Variants in PTBP3 observed in about 807,000 individuals in gnomAD.
PTBP3 encodes polypyrimidine tract-binding protein 3.
A neutral mutation model predicts 58.7 loss-of-function variants in PTBP3; 20 were observed. That is an observed-to-expected ratio of 0.34 (90% CI 0.24 to 0.50). The LOEUF is 0.50. Among genes scored for constraint, PTBP3 ranks in the 20% least tolerant of loss-of-function variants. The probability of loss-of-function intolerance (pLI) is 0.98; values close to 1 mark genes in which losing one functional copy is unlikely to be tolerated. For missense variants in PTBP3, 509 were observed against 637.2 expected (o/e 0.80, Z 2.17); for synonymous variants, 185 against 219.8 (o/e 0.84, Z 1.40).
At chr9:112,327,801 A>G (rs1281710993) in intron 1 of PTBP3, among the ~76,000 whole-genome samples, 1 of 150,410 alleles carries the variant, frequency 6.6e-6, no homozygotes, top group East Asian at 1.9e-4. Context: ...TAATAGAGGA[A>G]AAAAAAAAAA....
intron 2 of PTBP3, among the ~76,000 whole-genome samples, chr9:112,294,152 G>A (rs1490636598): frequency 6.6e-6 from 1 of 152,112 alleles, no homozygotes; most frequent in Non-Finnish European, 1.5e-5. Flanking sequence ...AACATTTATA[G>A]CCATTGATAA....
In PTBP3 at chr9:112,296,730, C is replaced by T. The variant is rs115350414; in HGVS notation, c.34+1102G>A. ...AAAGGAAACTCAAACTCAATATATA[C>T]AAATCTGAACCTGTGTCGTCCAACT... On this transcript the variant is annotated intron_variant, in intron 2 of 13. Coordinates refer to ENST00000374257, the MANE Select transcript of PTBP3 (RefSeq NM_001163788.4). Among the ~76,000 whole-genome samples, 1,314 of 152,248 alleles carry T rather than the reference C, an allele frequency of 8.6e-3. 23 individuals carry two copies. The highest frequency in any genetic ancestry group is 0.03 in the African/African-American group (1,253 of 41,534).
At chr9:112,234,681 TC>T in intron 8 of PTBP3, 138 bp downstream of exon 8, 2 of 713,006 alleles carry the variant, frequency 2.8e-6, no homozygotes, top group Non-Finnish European at 4.6e-6. Context: ...ATCATACAAA[TC>T]ACTACACTTC....
intron 2 of PTBP3, among the ~76,000 whole-genome samples, chr9:112,290,205 A>G (rs1320016424): frequency 6.6e-6 from 1 of 152,208 alleles, no homozygotes; most frequent in Non-Finnish European, 1.5e-5. Context: ...CAAGTTAAAG[A>G]GAAAAAGCAA....
chr9:112,271,726 G>T (rs185666791), intron 3 of PTBP3, among the ~76,000 whole-genome samples: 1 of 151,914 alleles, frequency 6.6e-6, no homozygotes, highest in South Asian at 2.1e-4. Context: ...AACAGAGCAA[G>T]ACTCCGCTTC....
chr9:112,288,561 C>G (rs895158080), intron 2 of PTBP3, among the ~76,000 whole-genome samples: 13 of 150,850 alleles, frequency 8.6e-5, no homozygotes, highest in African/African-American at 3.2e-4. Flanking sequence ...AATAGCATTA[C>G]CTCAATTGTT....
chr9:112,367,439 G>GT, the PTBP3 span, among the ~76,000 whole-genome samples: 15 of 152,022 alleles, frequency 9.9e-5, no homozygotes, highest in African/African-American at 3.6e-4. Flanking sequence ...TGTGTTTTGG[G>GT]TTTTTTTGTT....
At chr9:112,309,631 C>T (rs1829391113) in intron 1 of PTBP3, among the ~76,000 whole-genome samples, 1 of 151,606 alleles carries the variant, frequency 6.6e-6, no homozygotes, top group African/African-American at 2.4e-5. Flanking sequence ...ATTAAAAATA[C>T]AAAAAAATTA....
Position 112,231,400 on chromosome 9 carries a change from T to C in PTBP3, c.1034A>G (p.His345Arg), listed in dbSNP as rs1281756194. The change falls in exon 10 of 14, where the codon CAT becomes CGT. Residue 345 changes from histidine to arginine, a missense_variant. Physicochemically the swap from His to Arg is conservative, Grantham distance 29. Coordinates refer to ENST00000374257, the MANE Select transcript of PTBP3 (RefSeq NM_001163788.4). Reference sequence around the variant, plus strand: ...CTTACCAAATAGGATAAAAAGCCCATGTGGTGTGATAAGCTGTAAAGGGTA... The same window carrying C: ...CTTACCAAATAGGATAAAAAGCCCACGTGGTGTGATAAGCTGTAAAGGGTA... ...TNLNPDLITP[H>R]GLFILFGVYG... The C allele has an allele frequency of 3.1e-6, 5 of 1,596,560 alleles. No homozygotes were observed. The highest frequency in any genetic ancestry group is 2.7e-5 in the African/African-American group (2 of 73,992).
At chr9:112,268,939 T>C (rs1281992596) in intron 3 of PTBP3, among the ~76,000 whole-genome samples, 1 of 152,120 alleles carries the variant, frequency 6.6e-6, no homozygotes, top group African/African-American at 2.4e-5. Flanking sequence ...CTCAGGCCTG[T>C]AATCCCAACA....
chr9:112,267,821 C>A (rs545560728), intron 4 of PTBP3, among the ~76,000 whole-genome samples: 3 of 152,224 alleles, frequency 2.0e-5, no homozygotes, highest in African/African-American at 7.2e-5. Flanking sequence ...TATTTTTTCT[C>A]CTTTTTTACT....
chr9:112,301,387 T>G (rs1409967873), intron 1 of PTBP3, among the ~76,000 whole-genome samples: 1 of 151,704 alleles, frequency 6.6e-6, no homozygotes, highest in African/African-American at 2.4e-5. Context: ...AGATCTCTCA[T>G]ACATTGCTGG....
chr9:112,315,874 T>C (rs1343253087), intron 1 of PTBP3, among the ~76,000 whole-genome samples: 1 of 152,246 alleles, frequency 6.6e-6, no homozygotes, highest in Non-Finnish European at 1.5e-5. Context: ...TCTAAGTTAC[T>C]CATTATTTCC....
chr9:112,269,338 T>C, intron 3 of PTBP3, among the ~76,000 whole-genome samples: 1 of 151,880 alleles, frequency 6.6e-6, no homozygotes, highest in Non-Finnish European at 1.5e-5. Flanking sequence ...GGAAAAAACA[T>C]TGAGAAACAC....
intron 3 of PTBP3, among the ~76,000 whole-genome samples, chr9:112,271,793 A>G (rs1031540156): frequency 1.3e-5 from 2 of 152,202 alleles, no homozygotes; most frequent in African/African-American, 4.8e-5. Flanking sequence ...CAAATACAGA[A>G]TATTTTTTAA....
At chr9:112,342,114 G>A in the PTBP3 span, among the ~76,000 whole-genome samples, 1 of 152,166 alleles carries the variant, frequency 6.6e-6, no homozygotes, top group Admixed American at 6.5e-5. Flanking sequence ...TCTCTCTTCT[G>A]GAGCTGGGAC....
At chr9:112,256,290 TATACATATATATATATA>T (rs1564409811) in intron 5 of PTBP3, among the ~76,000 whole-genome samples, 49 of 31,578 alleles carry the variant, frequency 1.6e-3, no homozygotes, top group Middle Eastern at 0.013. Flanking sequence ...TATATATATA[TATACATATATATATATA>T]TATTTATCTA....
intron 1 of PTBP3, among the ~76,000 whole-genome samples, chr9:112,318,752 T>C (rs978792115): frequency 2.0e-5 from 3 of 147,104 alleles, no homozygotes; most frequent in African/African-American, 7.6e-5. Context: ...AGAGTGAGAC[T>C]GTCTCCAAAA....
At chr9:112,256,056 C>T (rs2132099464) in intron 5 of PTBP3, among the ~76,000 whole-genome samples, 1 of 151,896 alleles carries the variant, frequency 6.6e-6, no homozygotes, top group African/African-American at 2.4e-5. Context: ...GAGTTCAAGA[C>T]CAGGGTGGCC....
Sources: gnomAD v4.1 joint callset for allele counts (sites outside exome capture counted in the v4.1 genomes callset) on GRCh38, gnomAD v4.1.1 for gene constraint, MANE v1.5 for transcripts, NCBI Gene and HGNC (gene_info 2026-07-23, HGNC 2026-07-21) for gene names.